Variants in DNAH11 observed in about 807,000 individuals in gnomAD.
The protein encoded by DNAH11 is dynein axonemal heavy chain 11, also known as axonemal beta dynein heavy chain 11.
DNAH11 carries 442 observed loss-of-function variants against 526.0 expected under a neutral mutation model. The ratio of observed to expected loss-of-function variants is 0.84; its 90% CI spans 0.78 to 0.91. The LOEUF (loss-of-function observed/expected upper bound fraction) is 0.91. Ranked by LOEUF, DNAH11 falls within the 40% of genes least tolerant of loss-of-function variation. The pLI is 0.00. For missense variants in DNAH11, 6,989 were observed against 5,448.7 expected, an observed-to-expected ratio of 1.28 and a Z score of -8.90; for synonymous variants, 2,461 against 1,935.9, an observed-to-expected ratio of 1.27 and a Z score of -7.12.
intron 68 of DNAH11, among the ~76,000 whole-genome samples, 188 bp downstream of exon 68, chr7:21,854,643 A>G (rs1383139962): frequency 6.6e-6 from 1 of 151,972 alleles, no homozygotes; most frequent in Non-Finnish European, 1.5e-5. Context: ...CCCATATTCA[A>G]GCAATTCTCA....
At chr7:21,602,556 ATTGTGTGTGTGT>A (rs1264481831) in intron 18 of DNAH11, among the ~76,000 whole-genome samples, 3 of 103,494 alleles carry the variant, frequency 2.9e-5, no homozygotes, top group Admixed American at 1.0e-4. Flanking sequence ...TATTTTATAG[ATTGTGTGTGTGT>A]GTGTGTGTGT....
At chr7:21,622,643 G>C (rs957686159) in intron 25 of DNAH11, among the ~76,000 whole-genome samples, 11 of 152,112 alleles carry the variant, frequency 7.2e-5, no homozygotes, top group African/African-American at 2.7e-4. Context: ...GAACAGAACA[G>C]AGCCCTCAGA....
intron 8 of DNAH11, among the ~76,000 whole-genome samples, chr7:21,573,814 A>G (rs1783984412): frequency 6.6e-6 from 1 of 152,162 alleles, no homozygotes; most frequent in Non-Finnish European, 1.5e-5. Flanking sequence ...TGCTTATATA[A>G]CAGGGAAGTG....
chr7:21,651,856 C>G (rs935225740), intron 28 of DNAH11, among the ~76,000 whole-genome samples: 1 of 152,212 alleles, frequency 6.6e-6, no homozygotes, highest in African/African-American at 2.4e-5. Flanking sequence ...GCCTAAGTAA[C>G]AGATGTGCAT....
chr7:21,711,679 T>G lies in DNAH11; in HGVS notation c.6835-33T>G, dbSNP rs545935090. The G allele has an allele frequency of 3.1e-6, 5 of 1,595,076 alleles. No homozygotes were observed. The African/African-American group carries it at 6.7e-5, about 21-fold the overall frequency. On this transcript the variant is annotated intron_variant, in intron 41 of 81. Coordinates refer to ENST00000409508, the MANE Select transcript of DNAH11 (RefSeq NM_001277115.2). The stretch of plus-strand genomic sequence containing the variant: ...TTCTGGATGTTTGCGGCATTGCTTT[T>G]GCCCATGGGTGACAGTGTGCTGCTC...
intron 62 of DNAH11, among the ~76,000 whole-genome samples, chr7:21,803,682 C>T (rs933241294): frequency 6.7e-6 from 1 of 150,142 alleles, no homozygotes; most frequent in African/African-American, 2.5e-5. Context: ...GGGCTATCAT[C>T]ATTGAAGTCT....
In DNAH11 at chr7:21,717,918, TG is replaced by T. The variant is rs1784726255; in HGVS notation, c.7129del (p.Val2377CysfsTer12). Reference protein sequence around the residue: ...KTITSIPESSLVQTLCVLLEC... With the variant: ...KTITSIPESSXVQTLCVLLEC... ...ATCACTTCAATTCCTGAGAGTAGCC[TG>T]GTGCAGGTTTGTCTTCGGTTACGCC... is the stretch of plus-strand genomic sequence containing the variant. On this transcript the variant is annotated frameshift_variant, in exon 43 of 82. Coordinates refer to ENST00000409508, the MANE Select transcript of DNAH11 (RefSeq NM_001277115.2). LOFTEE classifies it high-confidence loss of function. The T allele has an allele frequency of 6.2e-7, 1 of 1,611,868 alleles. No homozygotes were observed. Among genetic ancestry groups the T allele is most frequent in the Non-Finnish European group, 8.5e-7 (1 of 1,178,586 alleles).
intron 23 of DNAH11, chr7:21,618,380 G>A (rs1220541939): frequency 6.5e-6 from 1 of 152,838 alleles, no homozygotes; most frequent in Non-Finnish European, 1.5e-5. Context: ...GCAGATTCTG[G>A]ATATTCTTAG....
rs184870755 is a variant in DNAH11, at chr7:21,677,798, A to G, written c.5329-3748A>G. Among the ~76,000 whole-genome samples the G allele has an allele frequency of 3.2e-4, 48 of 152,284 alleles. No homozygotes were observed. The East Asian group carries it at 7.1e-3, about 23-fold the overall frequency. On this transcript the variant is annotated intron_variant, in intron 30 of 81. Transcript: ENST00000409508. Reference sequence around the variant, plus strand: ...TGTAATGGGTGTGAGGTGATAGCTCATTGTGGTTTTGATTTCTCTAATGAT... The same window carrying G: ...TGTAATGGGTGTGAGGTGATAGCTCGTTGTGGTTTTGATTTCTCTAATGAT...
At chr7:21,569,225 T>C (rs943222219) in intron 6 of DNAH11, among the ~76,000 whole-genome samples, 1 of 152,144 alleles carries the variant, frequency 6.6e-6, no homozygotes, top group African/African-American at 2.4e-5. Context: ...ACATTATCCA[T>C]TGACATCTTG....
intron 25 of DNAH11, among the ~76,000 whole-genome samples, chr7:21,625,927 A>AT (rs772944931): frequency 7.1e-4 from 108 of 152,190 alleles, no homozygotes; most frequent in Non-Finnish European, 3.8e-4. Context: ...GAAAACATTT[A>AT]TGTTTTTTTA....
At chr7:21,867,721 T>C (rs1005228507) in intron 71 of DNAH11, 138 bp from the exon 72 acceptor site, 2 of 720,000 alleles carry the variant, frequency 2.8e-6, no homozygotes, top group Non-Finnish European at 4.6e-6. Context: ...GGATTCATAT[T>C]GTTATTCTAA....
At chr7:21,834,361 G>A (rs1400598254) in intron 65 of DNAH11, among the ~76,000 whole-genome samples, 1 of 151,940 alleles carries the variant, frequency 6.6e-6, no homozygotes, top group Non-Finnish European at 1.5e-5. Context: ...GTTCTAAGAG[G>A]GAATAAATTC....
At chr7:21,701,957 G>A (rs909058326) in intron 36 of DNAH11, among the ~76,000 whole-genome samples, 3 of 152,130 alleles carry the variant, frequency 2.0e-5, no homozygotes, top group African/African-American at 4.8e-5. Flanking sequence ...CGTGTAAGCA[G>A]TTAGTTCGTT....
At chr7:21,711,154 CA>C (rs1784451616) in intron 41 of DNAH11, among the ~76,000 whole-genome samples, 1 of 152,060 alleles carries the variant, frequency 6.6e-6, no homozygotes, top group South Asian at 2.1e-4. Flanking sequence ...GCATTCCCAG[CA>C]AAAACAAAAG....
At chr7:21,764,907 T>G (rs1787102759) in intron 54 of DNAH11, among the ~76,000 whole-genome samples, 1 of 152,230 alleles carries the variant, frequency 6.6e-6, no homozygotes, top group Admixed American at 6.5e-5. Context: ...AACAGAATTT[T>G]TAATTCCTTT....
In DNAH11 at chr7:21,591,396, G is replaced by A. The variant is rs201261243; in HGVS notation, c.2486G>A (p.Arg829His). Residue 829 changes from arginine (R) to histidine (H), a missense_variant, in exon 14 of 82, where the codon CGC becomes CAC. Coordinates refer to ENST00000409508, the MANE Select transcript of DNAH11 (RefSeq NM_001277115.2). ...TCCGAGTTGGAGCACAGAGTTGAGC[G>A]CACACAGAAAAACGTGAAGGTGATC... ...ATSELEHRVERTQKNVKVIQQ... is the reference protein window; with the variant it reads ...ATSELEHRVEHTQKNVKVIQQ... 2.4e-4 allele frequency: 385 copies of A among 1,613,900 alleles called. 2 individuals carry two copies. The African/African-American group carries it at 4.2e-3, about 18-fold the overall frequency.
chr7:21,579,587 G>C (rs1784232599), intron 8 of DNAH11, among the ~76,000 whole-genome samples: 1 of 152,156 alleles, frequency 6.6e-6, no homozygotes, highest in African/African-American at 2.4e-5. Flanking sequence ...AGGCTTTGTG[G>C]CTGGATCTGA....
intron 30 of DNAH11, among the ~76,000 whole-genome samples, chr7:21,675,953 A>G (rs1241642958): frequency 6.6e-6 from 1 of 152,210 alleles, no homozygotes; most frequent in Non-Finnish European, 1.5e-5. Context: ...ACAGCTTTGA[A>G]TAATGAGAGG....
Sources: allele counts gnomAD v4.1 joint callset (sites outside exome capture counted in the v4.1 genomes callset), GRCh38; gene constraint gnomAD v4.1.1; transcripts MANE v1.5; gene names NCBI Gene and HGNC (gene_info 2026-07-23, HGNC 2026-07-21).